The following CREBBP variants were observed in gnomAD, a reference collection of about 807,000 sequenced individuals.
The protein encoded by CREBBP is CREB binding lysine acetyltransferase, also known as CREB-binding protein.
Under a neutral mutation model 265.0 loss-of-function variants are expected in CREBBP, and 19 were observed. That is an observed-to-expected ratio of 0.07 (90% confidence interval 0.05 to 0.11). The LOEUF is 0.11. Ranked by LOEUF, CREBBP falls within the 10% of genes least tolerant of loss-of-function variation. CREBBP has a pLI of 1.00. For synonymous variants in CREBBP, 1,457 were observed against 1,223.7 expected (o/e 1.19, Z -3.98); for missense variants, 2,525 against 3,219.0 (o/e 0.78, Z 5.22).
At chr16:3,848,705 C>CAA (rs1172580574) in intron 2 of CREBBP, among the ~76,000 whole-genome samples, 1 of 152,048 alleles carries the variant, frequency 6.6e-6, no homozygotes, top group African/African-American at 2.4e-5. Context: ...CCAGAATAGA[C>CAA]AGAGTTTTAA....
intron 3 of CREBBP, among the ~76,000 whole-genome samples, chr16:3,802,210 C>A (rs951405540): frequency 7.6e-6 from 1 of 131,622 alleles, no homozygotes; most frequent in Non-Finnish European, 1.6e-5. Context: ...CGGCTCACTG[C>A]AACCTCTGCC....
intron 1 of CREBBP, among the ~76,000 whole-genome samples, chr16:3,851,228 C>T (rs996224426): frequency 1.5e-5 from 2 of 136,962 alleles, no homozygotes; most frequent in African/African-American, 5.5e-5. Flanking sequence ...GTGGAGGATG[C>T]GGTGAGCCAA....
intron 1 of CREBBP, among the ~76,000 whole-genome samples, chr16:3,853,412 C>T (rs541704493): frequency 2.7e-4 from 40 of 149,368 alleles, no homozygotes; most frequent in Admixed American, 2.6e-3. Context: ...AGATTGAGAC[C>T]ATCCTGGCTA....
intron 1 of CREBBP, among the ~76,000 whole-genome samples, chr16:3,876,941 C>G (rs1279001514): frequency 6.6e-6 from 1 of 152,198 alleles, no homozygotes; most frequent in Admixed American, 6.5e-5. Flanking sequence ...CCTGGCTGAG[C>G]AGCTCCCCAA....
chr16:3,732,944 C>A (rs1372494362), intron 28 of CREBBP, among the ~76,000 whole-genome samples: 1 of 152,072 alleles, frequency 6.6e-6, no homozygotes, highest in Non-Finnish European at 1.5e-5. Flanking sequence ...GGGTGATCCG[C>A]CCGCCTGAGC....
chr16:3,806,772 C>T (rs1320801931), intron 3 of CREBBP, among the ~76,000 whole-genome samples: 1 of 152,098 alleles, frequency 6.6e-6, no homozygotes, highest in Non-Finnish European at 1.5e-5. Flanking sequence ...CCCTCCAAGG[C>T]CCCCTGAAAT....
intron 3 of CREBBP, among the ~76,000 whole-genome samples, chr16:3,803,265 AGG>A (rs2053758353): frequency 1.2e-3 from 1 of 866 alleles, no homozygotes; most frequent in East Asian, 0.038. Context: ...GACGGCGGGG[AGG>A]GGGGGGGGGG....
At chr16:3,751,943 G>T in intron 19 of CREBBP, 137 bp from the exon 20 acceptor site, 1 of 781,984 alleles carries the variant, frequency 1.3e-6, no homozygotes, top group Non-Finnish European at 2.2e-6. Flanking sequence ...ATGGGTCAGT[G>T]AGGACAATGA....
intron 2 of CREBBP, among the ~76,000 whole-genome samples, chr16:3,818,487 T>C (rs2054082196): frequency 1.3e-5 from 2 of 152,080 alleles, no homozygotes; most frequent in African/African-American, 4.8e-5. Flanking sequence ...TTTGTATTTT[T>C]AGTAGAGATG....
chr16:3,779,595 A>C (rs762920874), intron 8 of CREBBP, among the ~76,000 whole-genome samples: 9 of 152,236 alleles, frequency 5.9e-5, no homozygotes, highest in Non-Finnish European at 1.2e-4. Flanking sequence ...TACATGAATG[A>C]AGTTAACTCC....
chr16:3,822,303 G>A lies in CREBBP; in HGVS notation c.799-11524C>T, dbSNP rs182897075. ...AAAGGAGGCGGCAATAAAGGAAGGC[G>A]TGAATGTGTATAGGTAACGCAACGG... On this transcript the variant is annotated intron_variant, in intron 2 of 30. Transcript: ENST00000262367. Among the ~76,000 whole-genome samples, 30 of 152,320 alleles carry A rather than the reference G, an allele frequency of 2.0e-4. No individual in the cohort carries two copies. In the East Asian group the frequency reaches 5.6e-3, roughly 28 times the overall value.
intron 2 of CREBBP, among the ~76,000 whole-genome samples, chr16:3,847,887 G>A (rs2054700870): frequency 6.6e-6 from 1 of 152,202 alleles, no homozygotes; most frequent in Non-Finnish European, 1.5e-5. Context: ...ACTACTTATA[G>A]GCCGGGCGTG....
chr16:3,790,908 C>A (rs537085467), intron 5 of CREBBP, among the ~76,000 whole-genome samples: 4 of 152,274 alleles, frequency 2.6e-5, no homozygotes, highest in African/African-American at 9.6e-5. Flanking sequence ...TCCATCTTTC[C>A]CTGGGCCACT....
intron 2 of CREBBP, among the ~76,000 whole-genome samples, chr16:3,830,339 T>C (rs1396154174): frequency 6.6e-6 from 1 of 151,940 alleles, no homozygotes; most frequent in Non-Finnish European, 1.5e-5. Context: ...GGGGCAGAGG[T>C]TGCAGGGAGC....
At chr16:3,733,663 G>C (rs906827194) in intron 28 of CREBBP, among the ~76,000 whole-genome samples, 1 of 151,886 alleles carries the variant, frequency 6.6e-6, no homozygotes, top group Non-Finnish European at 1.5e-5. Flanking sequence ...TTTTTTTTGA[G>C]ATGGAGTCTC....
At chr16:3,878,615 C>T (rs958633838) in intron 1 of CREBBP, among the ~76,000 whole-genome samples, 3 of 152,114 alleles carry the variant, frequency 2.0e-5, no homozygotes, top group African/African-American at 7.2e-5. Context: ...TGCTAGTGGT[C>T]GGTCACAGAA....
chr16:3,733,932 A>G (rs2051984651), intron 28 of CREBBP, among the ~76,000 whole-genome samples: 1 of 152,214 alleles, frequency 6.6e-6, no homozygotes, highest in South Asian at 2.1e-4. Flanking sequence ...GTGAGCCACC[A>G]CGCCCGGCCT....
At chr16:3,872,718 C>T (rs1390386571) in intron 1 of CREBBP, among the ~76,000 whole-genome samples, 1 of 152,224 alleles carries the variant, frequency 6.6e-6, no homozygotes, top group Non-Finnish European at 1.5e-5. Context: ...CAGAAGAGGA[C>T]TCAGATGTGA....
intron 1 of CREBBP, among the ~76,000 whole-genome samples, chr16:3,859,198 T>A (rs1410264531): frequency 6.6e-6 from 1 of 152,120 alleles, no homozygotes; most frequent in East Asian, 1.9e-4. Flanking sequence ...TTTTATTTTT[T>A]ATTTTTTTAT....
Sources: gnomAD v4.1 joint callset for allele counts (sites outside exome capture counted in the v4.1 genomes callset) on GRCh38, gnomAD v4.1.1 for gene constraint, MANE v1.5 for transcripts, NCBI Gene and HGNC (gene_info 2026-07-23, HGNC 2026-07-21) for gene names.